The following LAMA1 variants were observed in gnomAD, a reference collection of about 807,000 sequenced individuals.
The protein encoded by LAMA1 is laminin subunit alpha 1.
In LAMA1, 219 loss-of-function variants were observed where a neutral mutation model predicts 348.7. That is an observed-to-expected ratio of 0.63 (90% CI 0.56 to 0.70). The LOEUF is 0.70. LAMA1 is among the 30% of genes least tolerant of loss of function. LAMA1 has a pLI of 0.00. For synonymous variants in LAMA1, 1,487 were observed against 1,491.0 expected (o/e 1.00, Z 0.06); for missense variants, 3,744 against 3,888.0 (o/e 0.96, Z 0.99).
In LAMA1 at chr18:6,952,953, TGG is replaced by T. The variant is rs1568004490; in HGVS notation, c.8208-1984_8208-1983del. 4.2e-3 allele frequency among the ~76,000 whole-genome samples: 613 copies of T among 146,994 alleles called. 2 individuals are homozygous for T. Among genetic ancestry groups the T allele is most frequent in the African/African-American group, 0.015 (570 of 38,956 alleles). On this transcript the variant is annotated intron_variant, in intron 57 of 62. Coordinates refer to ENST00000389658, the MANE Select transcript of LAMA1 (RefSeq NM_005559.4). ...GCCTGTGTCCAGTGGATCCACACCA[TGG>T]GAGCCATGTCTGCCTGTGTCCGGCG...
At chr18:6,949,439 G>A (rs150291506) in intron 58 of LAMA1, among the ~76,000 whole-genome samples, 180 bp from the exon 59 acceptor site, 1 of 152,354 alleles carries the variant, frequency 6.6e-6, no homozygotes, top group African/African-American at 2.4e-5. Context: ...CCTGGCAGAA[G>A]AAAGGAGGCA....
At chr18:6,964,517 G>C in intron 51 of LAMA1, 145 bp downstream of exon 51, 8 of 956,326 alleles carry the variant, frequency 8.4e-6, no homozygotes, top group Non-Finnish European at 1.3e-5. Context: ...CCAACACCTT[G>C]CTTTTGGACT....
chr18:6,974,033 T>G (rs2144033320), intron 46 of LAMA1, among the ~76,000 whole-genome samples: 1 of 152,194 alleles, frequency 6.6e-6, no homozygotes, highest in South Asian at 2.1e-4. Flanking sequence ...TCCTCCCACC[T>G]CGGCCTCCCA....
intron 30 of LAMA1, among the ~76,000 whole-genome samples, chr18:7,000,271 A>G (rs968298758): frequency 6.6e-6 from 1 of 152,272 alleles, no homozygotes; most frequent in Non-Finnish European, 1.5e-5. Context: ...CTTAGGGATT[A>G]TCACTAATTG....
chr18:6,951,024 T>C (rs2057544496), intron 57 of LAMA1, 53 bp from the exon 58 acceptor site: 6 of 1,524,232 alleles, frequency 3.9e-6, no homozygotes, highest in Non-Finnish European at 4.5e-6. Context: ...CTTTTCATTT[T>C]TAAAACCTCA....
intron 12 of LAMA1, among the ~76,000 whole-genome samples, chr18:7,036,813 T>C (rs2144172457): frequency 6.6e-6 from 1 of 152,236 alleles, no homozygotes; most frequent in Admixed American, 6.5e-5. Flanking sequence ...CGTACCAAGC[T>C]ACAAGACTAC....
At chr18:6,956,898 G>A (rs951099897) in intron 55 of LAMA1, 133 bp from the exon 56 acceptor site, 13 of 964,370 alleles carry the variant, frequency 1.3e-5, no homozygotes, top group Non-Finnish European at 2.1e-5. Context: ...TAACCAAAGT[G>A]CCAATCCTTC....
At chr18:6,974,859 C>A (rs377716839) in intron 46 of LAMA1, 44 bp downstream of exon 46, 3 of 1,611,978 alleles carry the variant, frequency 1.9e-6, no homozygotes, top group Non-Finnish European at 8.5e-7. Context: ...TTATGAGACA[C>A]ACTTTAAAAA....
chr18:7,033,184 C>T (rs760573830), intron 14 of LAMA1, 89 bp from the exon 15 acceptor site: 28 of 1,001,294 alleles, frequency 2.8e-5, no homozygotes, highest in Middle Eastern at 2.2e-4. Context: ...GATTTAAATC[C>T]GGCCGGGCGC....
At position 7,002,379 on chromosome 18, in the gene LAMA1, CA is replaced by C; in HGVS notation, c.4266del (p.Cys1422TrpfsTer21). 1 of 1,613,472 alleles carries C rather than the reference CA, an allele frequency of 6.2e-7. No individual in the cohort carries two copies. The highest frequency in any genetic ancestry group is 8.5e-7 in the Non-Finnish European group (1 of 1,180,028). On this transcript the variant is annotated frameshift_variant, in exon 30 of 63. Coordinates refer to ENST00000389658, the MANE Select transcript of LAMA1 (RefSeq NM_005559.4). LOFTEE classifies it high-confidence loss of function. ...CDPNTGKCLN[C>X]GDNTAGDHCD... ...CAATGGTCACCTGCTGTGTTATCGC[CA>C]CAGTTCTGGGAGCCCACATTTAAAG...
intron 1 of LAMA1, among the ~76,000 whole-genome samples, chr18:7,084,621 G>A (rs941305117): frequency 5.9e-5 from 9 of 152,056 alleles, no homozygotes; most frequent in Non-Finnish European, 1.3e-4. Flanking sequence ...AAACTCCATC[G>A]AGCATGAAAT....
chr18:6,949,062 C>A (rs780196312), intron 59 of LAMA1, 39 bp downstream of exon 59: 1 of 1,613,540 alleles, frequency 6.2e-7, no homozygotes, highest in South Asian at 1.1e-5. Context: ...AACACGAACA[C>A]AACGAAGGTA....
At position 6,995,220 on chromosome 18, in the gene LAMA1, T is replaced by A; in HGVS notation, c.4896+137A>T. ...GGTCAAAACCAATTTGATGATTAAGTACCTGGAGCACAGCTCGTGGGAGGA... is the reference window on the plus strand; with the variant it reads ...GGTCAAAACCAATTTGATGATTAAGAACCTGGAGCACAGCTCGTGGGAGGA... On this transcript the variant is annotated intron_variant, in intron 34 of 62. Transcript: ENST00000389658. The A allele has an allele frequency of 6.9e-6, 5 of 719,520 alleles. No homozygotes were observed. The South Asian group carries it at 7.6e-5, about 11-fold the overall frequency. 44.6% of individuals were successfully genotyped at this position (719,520 alleles called of 1,614,324 possible).
intron 60 of LAMA1, among the ~76,000 whole-genome samples, chr18:6,947,686 T>C (rs2057528477): frequency 6.6e-6 from 1 of 152,222 alleles, no homozygotes. Context: ...CTAGTATCTG[T>C]GTACTTGTGG....
chr18:7,049,638 T>C (rs902004291), intron 4 of LAMA1, among the ~76,000 whole-genome samples: 1 of 152,204 alleles, frequency 6.6e-6, no homozygotes, highest in Admixed American at 6.5e-5. Context: ...ATAGCCCTGA[T>C]TGTCTAATGT....
At chr18:6,977,386 T>A (rs1323737113) in intron 44 of LAMA1, among the ~76,000 whole-genome samples, 2 of 152,324 alleles carry the variant, frequency 1.3e-5, no homozygotes, top group East Asian at 3.9e-4. Flanking sequence ...ACCCATAAAC[T>A]TAAGAGTGAT....
At chr18:7,093,967 G>A (rs971917081) in intron 1 of LAMA1, among the ~76,000 whole-genome samples, 1 of 151,830 alleles carries the variant, frequency 6.6e-6, no homozygotes, top group Admixed American at 6.6e-5. Flanking sequence ...AGTAGAGACA[G>A]GGTTTTGCCA....
chr18:6,999,855 C>T, intron 31 of LAMA1, 56 bp downstream of exon 31: 1 of 1,492,638 alleles, frequency 6.7e-7, no homozygotes, highest in Non-Finnish European at 9.3e-7. Context: ...ATGCCCAATA[C>T]CTTATAAAAG....
intron 3 of LAMA1, among the ~76,000 whole-genome samples, chr18:7,074,705 A>G (rs1277641607): frequency 6.6e-6 from 1 of 152,116 alleles, no homozygotes; most frequent in Non-Finnish European, 1.5e-5. Context: ...AATTCCTATG[A>G]ATTTTTTAAA....
Sources: gnomAD v4.1 joint callset for allele counts (sites outside exome capture counted in the v4.1 genomes callset) on GRCh38, gnomAD v4.1.1 for gene constraint, MANE v1.5 for transcripts, NCBI Gene and HGNC (gene_info 2026-07-23, HGNC 2026-07-21) for gene names.